The following ACADS variants were observed in gnomAD, a reference collection of about 807,000 sequenced individuals.
ACADS encodes short-chain specific acyl-CoA dehydrogenase, mitochondrial.
ACADS carries 28 observed loss-of-function variants against 46.8 expected under a neutral mutation model. The ratio of observed to expected loss-of-function variants is 0.60; its 90% CI spans 0.44 to 0.82. The LOEUF (loss-of-function observed/expected upper bound fraction) is 0.82, where lower values mean the gene tolerates loss of function less well. Among genes scored for constraint, ACADS ranks in the 40% least tolerant of loss-of-function variants. The probability of loss-of-function intolerance (pLI) is 0.00; values close to 1 mark genes in which losing one functional copy is unlikely to be tolerated. For synonymous variants in ACADS, 236 were observed against 237.7 expected (o/e 0.99, Z 0.07); for missense variants, 528 against 578.0 (o/e 0.91, Z 0.89).
intron 2 of ACADS, among the ~76,000 whole-genome samples, chr12:120,727,934 C>T (rs918273655): frequency 7.2e-5 from 11 of 152,092 alleles, no homozygotes; most frequent in Non-Finnish European, 1.6e-4. Flanking sequence ...CCTGCTCGAC[C>T]TATTTTCTTT....
chr12:120,739,338 C>A lies in ACADS; in HGVS notation c.1129C>A (p.Pro377Thr). 1.2e-6 allele frequency: 2 copies of A among 1,613,062 alleles called. No individual in the cohort carries two copies. Among genetic ancestry groups the A allele is most frequent in the South Asian group, 1.1e-5 (1 of 91,078 alleles). ...CGGCATGGGCTACGTGACAGAGATGCCGGCAGAGCGGCACTACCGCGACGC... is the reference window on the plus strand; with the variant it reads ...CGGCATGGGCTACGTGACAGAGATGACGGCAGAGCGGCACTACCGCGACGC... ...LGGMGYVTEM[P>T]AERHYRDARI... is the part of the protein sequence containing the mutation. Residue 377 changes from proline to threonine, a missense_variant, in exon 10 of 10, where the codon CCG becomes ACG. Pro to Thr is a conservative substitution (Grantham distance 38, BLOSUM62 -1). Coordinates refer to ENST00000242592, the MANE Select transcript of ACADS (RefSeq NM_000017.4).
chr12:120,727,978 C>T (rs533518701), intron 2 of ACADS, among the ~76,000 whole-genome samples: 1 of 152,140 alleles, frequency 6.6e-6, no homozygotes, highest in Non-Finnish European at 1.5e-5. Flanking sequence ...AATGGACTCT[C>T]GCTCTGTTGC....
At chr12:120,733,234 G>A (rs113979967) in intron 2 of ACADS, among the ~76,000 whole-genome samples, 3 of 151,046 alleles carry the variant, frequency 2.0e-5, no homozygotes, top group Non-Finnish European at 4.4e-5. Context: ...GAGGGAGACC[G>A]GGGGGAGAGG....
intron 8 of ACADS, 39 bp from the exon 9 acceptor site, chr12:120,739,101 C>T (rs764750642): frequency 5.0e-6 from 8 of 1,612,664 alleles, no homozygotes; most frequent in African/African-American, 1.3e-5. Context: ...ATGGAGGGGT[C>T]CCCTCAAGGG....
Position 120,738,395 on chromosome 12 carries a change from G to T in ACADS, c.740G>T (p.Arg247Leu), listed in dbSNP as rs768292774. The T allele has an allele frequency of 1.2e-6, 2 of 1,613,628 alleles. No individual in the cohort carries two copies. Among genetic ancestry groups the T allele is most frequent in the East Asian group, 4.5e-5 (2 of 44,886 alleles). The change falls in exon 6 of 10, where the codon CGC becomes CTC. Residue 247 changes from arginine (R) to leucine (L), a missense_variant. Arg to Leu is a moderately radical substitution (Grantham distance 102). Transcript: ENST00000242592. Reference protein sequence around the residue: ...STANLIFEDCRIPKDSILGEP... With the variant: ...STANLIFEDCLIPKDSILGEP... ...GCCAACCTCATCTTTGAGGACTGTC[G>T]CATCCCCAAGGACAGCATCCTGGGG...
chr12:120,731,679 T>A, intron 2 of ACADS, among the ~76,000 whole-genome samples: 1 of 152,154 alleles, frequency 6.6e-6, no homozygotes, highest in East Asian at 1.9e-4. Flanking sequence ...TGGGTGTTTC[T>A]CGCAGAGGGG....
chr12:120,738,780 G>A, intron 7 of ACADS, 40 bp from the exon 8 acceptor site: 12 of 1,613,002 alleles, frequency 7.4e-6, no homozygotes, highest in Non-Finnish European at 1.0e-5. Flanking sequence ...CCCCTGGAGG[G>A]GCAGCTGCTG....
rs770711544 is a variant in ACADS at position 120,738,358 on chromosome 12, G to T, written c.703G>T (p.Gly235Cys). The change falls in exon 6 of 10, where the codon GGC (glycine) becomes TGC (cysteine). Residue 235 changes from glycine (G) to cysteine (C), a missense_variant. Gly to Cys is a radical substitution (Grantham distance 159). Transcript: ENST00000242592. ...GAAAGAAGACAAGCTGGGCATCCGG[G>T]GCTCATCCACGGCCAACCTCATCTT... ...GKKEDKLGIR[G>C]SSTANLIFED... 1.2e-6 allele frequency: 2 copies of T among 1,614,162 alleles called. No homozygotes were observed. The highest frequency in any genetic ancestry group is 1.7e-6 in the Non-Finnish European group (2 of 1,180,040).
chr12:120,737,733 C>T, intron 4 of ACADS, 104 bp from the exon 5 acceptor site: 1 of 1,531,478 alleles, frequency 6.5e-7, no homozygotes, highest in South Asian at 1.2e-5. Flanking sequence ...GAGCCCGAGT[C>T]ATAGGGTTTC....
At chr12:120,732,333 C>T (rs1310091390) in intron 2 of ACADS, among the ~76,000 whole-genome samples, 6 of 151,530 alleles carry the variant, frequency 4.0e-5, no homozygotes, top group South Asian at 4.2e-4. Context: ...CCCTCCCGGA[C>T]GGGGTGGCTG....
rs150191962 is a variant in ACADS at position 120,738,197 on chromosome 12, G to A, written c.625-83G>A. ...CTGAGCTTCTGAGGGAGGTGGGGAG[G>A]GGACCGGGTTGGTGTTGGGTGTGCT... On this transcript the variant is annotated intron_variant, in intron 5 of 9. Coordinates refer to ENST00000242592, the MANE Select transcript of ACADS (RefSeq NM_000017.4). The A allele has an allele frequency of 1.7e-3, 2,768 of 1,604,958 alleles. 47 individuals are homozygous for A. In the African/African-American group the frequency reaches 0.033, roughly 19 times the overall value.
Position 120,739,363 on chromosome 12 carries a change from C to A in ACADS, c.1154C>A (p.Ala385Asp). The A allele has an allele frequency of 6.2e-7, 1 of 1,613,040 alleles. No homozygotes were observed. Among genetic ancestry groups the A allele is most frequent in the Non-Finnish European group, 8.5e-7 (1 of 1,179,960 alleles). ...EMPAERHYRD[A>D]RITEIYEGTS... Reference sequence around the variant, plus strand: ...CCGGCAGAGCGGCACTACCGCGACGCCCGCATCACTGAGATCTACGAGGGC... The same window carrying A: ...CCGGCAGAGCGGCACTACCGCGACGACCGCATCACTGAGATCTACGAGGGC... Residue 385 changes from alanine (A) to aspartate (D), a missense_variant, in exon 10 of 10, where the codon GCC becomes GAC. Physicochemically the swap from Ala to Asp is moderately radical, Grantham distance 126. Transcript: ENST00000242592.
chr12:120,727,341 C>A (rs1883117400), intron 2 of ACADS, 152 bp downstream of exon 2: 2 of 1,044,474 alleles, frequency 1.9e-6, no homozygotes, highest in Admixed American at 1.9e-5. Context: ...TTTCCCTTGT[C>A]CAGCCTGTGG....
At chr12:120,733,639 C>T (rs1176022452) in intron 2 of ACADS, among the ~76,000 whole-genome samples, 1 of 146,070 alleles carries the variant, frequency 6.8e-6, no homozygotes, top group African/African-American at 2.5e-5. Context: ...CCCCCCTCCC[C>T]AGGTGTGTGG....
In ACADS at chr12:120,739,355, C is replaced by G; in HGVS notation, c.1146C>G (p.Tyr382Ter). The G allele has an allele frequency of 6.2e-7, 1 of 1,613,040 alleles. No homozygotes were observed. The highest frequency in any genetic ancestry group is 8.5e-7 in the Non-Finnish European group (1 of 1,179,966). ...YVTEMPAERH[Y>*]RDARITEIYE... ...CAGAGATGCCGGCAGAGCGGCACTA[C>G]CGCGACGCCCGCATCACTGAGATCT... Residue 382 changes from tyrosine (Y) to a stop codon, truncating the protein, a stop_gained, in exon 10 of 10, where the codon TAC becomes TAG. Coordinates refer to ENST00000242592, the MANE Select transcript of ACADS (RefSeq NM_000017.4). LOFTEE classifies it high-confidence loss of function.
chr12:120,737,696 C>T (rs1883501629), intron 4 of ACADS, 141 bp from the exon 5 acceptor site: 2 of 1,312,920 alleles, frequency 1.5e-6, no homozygotes, highest in Admixed American at 2.1e-5. Flanking sequence ...GGTCCCATCA[C>T]TGAGAGCTTT....
chr12:120,739,534 C>A lies in ACADS; in HGVS notation c.*86C>A. On this transcript the variant is annotated 3_prime_UTR_variant, in exon 10 of 10. Transcript: ENST00000242592. ...ACCCCGGCTCAGAGACTGGGCGGCC[C>A]GGCGGGGGCTCCCTGGGGACCCCAG... The A allele has an allele frequency of 6.6e-7, 1 of 1,519,520 alleles. No individual in the cohort carries two copies. Among genetic ancestry groups the A allele is most frequent in the East Asian group, 2.3e-5 (1 of 42,766 alleles). 94.1% of individuals were successfully genotyped at this position (1,519,520 alleles called of 1,614,324 possible).
chr12:120,730,669 C>G (rs1005244080), intron 2 of ACADS, among the ~76,000 whole-genome samples: 1 of 152,192 alleles, frequency 6.6e-6, no homozygotes, highest in African/African-American at 2.4e-5. Flanking sequence ...TCCTTTTACT[C>G]TCTTTCTGGG....
Position 120,738,513 on chromosome 12 carries a change from G to T in ACADS, c.796-20G>T. The T allele has an allele frequency of 6.2e-7, 1 of 1,606,888 alleles. No homozygotes were observed. The stretch of plus-strand genomic sequence containing the variant: ...CCCGCGCCCCGGCTGGCGGGCCACT[G>T]ACCAGGGCGGTCCCCACAGCAAACC... On this transcript the variant is annotated intron_variant, in intron 6 of 9. Transcript: ENST00000242592.
Sources: allele counts gnomAD v4.1 joint callset (sites outside exome capture counted in the v4.1 genomes callset), GRCh38; gene constraint gnomAD v4.1.1; transcripts MANE v1.5; gene names NCBI Gene and HGNC (gene_info 2026-07-23, HGNC 2026-07-21).